TARBP1: variants seen among roughly 807,000 people sequenced by gnomAD.
TARBP1 encodes the protein tRNA (guanosine(18)-2'-O)-methyltransferase TARBP1.
TARBP1 carries 144 observed loss-of-function variants against 178.6 expected under a neutral mutation model. The ratio of observed to expected loss-of-function variants is 0.81; its 90% CI spans 0.70 to 0.93. The LOEUF is 0.93. Among genes scored for constraint, TARBP1 ranks in the 40% least tolerant of loss-of-function variants. The pLI is 0.00. For synonymous variants in TARBP1, 787 were observed against 781.0 expected, an observed-to-expected ratio of 1.01 and a Z score of -0.13; for missense variants, 2,067 against 2,011.7, an observed-to-expected ratio of 1.03 and a Z score of -0.53.
Position 234,419,000 on chromosome 1 carries a change from G to A in TARBP1, c.3556-767C>T, listed in dbSNP as rs373762792. 8.0e-4 allele frequency among the ~76,000 whole-genome samples: 122 copies of A among 152,006 alleles called. 2 individuals are homozygous for A. The South Asian group carries it at 0.023, about 29-fold the overall frequency. On this transcript the variant is annotated intron_variant, in intron 21 of 29. Coordinates refer to ENST00000040877, the MANE Select transcript of TARBP1 (RefSeq NM_005646.4). ...ATCCTGGCTAACACGGTGAAACCCC[G>A]TCTCTACTAAAAATACAAAAAATTA...
At chr1:234,425,222 A>T (rs2103111758) in intron 20 of TARBP1, among the ~76,000 whole-genome samples, 1 of 152,188 alleles carries the variant, frequency 6.6e-6, no homozygotes, top group South Asian at 2.1e-4. Flanking sequence ...ACAGAGCAAG[A>T]CTCTGTCTCA....
At chr1:234,422,656 A>G (rs995888536) in intron 20 of TARBP1, among the ~76,000 whole-genome samples, 4 of 152,206 alleles carry the variant, frequency 2.6e-5, no homozygotes, top group African/African-American at 9.7e-5. Context: ...CTTAGAATGA[A>G]TAAGATCTAG....
chr1:234,437,080 A>T (rs1295483791), intron 13 of TARBP1, among the ~76,000 whole-genome samples, 195 bp downstream of exon 13: 1 of 152,222 alleles, frequency 6.6e-6, no homozygotes, highest in Non-Finnish European at 1.5e-5. Context: ...AACTTGCCCA[A>T]GGTCACAGCT....
intron 25 of TARBP1, among the ~76,000 whole-genome samples, chr1:234,399,979 A>C (rs577135330): frequency 1.1e-4 from 16 of 152,152 alleles, no homozygotes; most frequent in African/African-American, 3.9e-4. Flanking sequence ...TGGCACATTT[A>C]TACATATGTA....
chr1:234,460,893 G>A (rs1259989112), intron 6 of TARBP1, among the ~76,000 whole-genome samples: 1 of 152,172 alleles, frequency 6.6e-6, no homozygotes, highest in Non-Finnish European at 1.5e-5. Flanking sequence ...CCATAACAAG[G>A]ATAAACCTTG....
chr1:234,458,718 A>T (rs1015607921), intron 8 of TARBP1, among the ~76,000 whole-genome samples: 3 of 152,198 alleles, frequency 2.0e-5, no homozygotes, highest in African/African-American at 7.2e-5. Context: ...ATACAGGGGA[A>T]GATGAGGGGA....
chr1:234,472,329 CAAAAAAAAAAAA>C (rs1160411119), intron 2 of TARBP1, among the ~76,000 whole-genome samples: 3 of 46,078 alleles, frequency 6.5e-5, no homozygotes, highest in Admixed American at 6.0e-4. Context: ...ACTCTGTCTC[CAAAAAAAAAAAA>C]AAAAAAAAAA....
At position 234,478,685 on chromosome 1, in the gene TARBP1, G is replaced by A; in HGVS notation, c.419C>T (p.Ala140Val). ...AGWRAPGAEA[A>V]VEVLAAVGPC... ...CCCGACGGCTGCTAGCACTTCCACGGCAGCCTCGGCGCCAGGCGCGCGCCA... is the reference window on the plus strand; with the variant it reads ...CCCGACGGCTGCTAGCACTTCCACGACAGCCTCGGCGCCAGGCGCGCGCCA... The change falls in exon 1 of 30, where the codon GCC becomes GTC. Residue 140 changes from alanine to valine, a missense_variant. Transcript: ENST00000040877. 2 of 1,225,690 alleles carry A rather than the reference G, an allele frequency of 1.6e-6. No individual in the cohort carries two copies. Among genetic ancestry groups the A allele is most frequent in the Admixed American group, 4.4e-5 (1 of 22,772 alleles). 75.9% of individuals were successfully genotyped at this position (1,225,690 alleles called of 1,614,324 possible).
At chr1:234,472,473 A>T (rs1669164996) in intron 2 of TARBP1, among the ~76,000 whole-genome samples, 1 of 152,148 alleles carries the variant, frequency 6.6e-6, no homozygotes, top group Non-Finnish European at 1.5e-5. Flanking sequence ...ATAAACGTTA[A>T]AGTTTTAGAA....
chr1:234,451,766 A>AAAAACAAAAAAAAACAAAAAAAC lies in TARBP1; in HGVS notation c.1723-1201_1723-1200insGTTTTTTTGTTTTTTTTTGTTTT, dbSNP rs57636903. Among the ~76,000 whole-genome samples, 5 of 17,176 alleles carry AAAAACAAAAAAAAACAAAAAAAC rather than the reference A, an allele frequency of 2.9e-4. 1 individual carries two copies. The highest frequency in any genetic ancestry group is 0.013 in the South Asian group (2 of 156). The allele number at this position is 17,176 out of a possible 152,430, so 11.3% of individuals were successfully genotyped here. A position where few individuals can be genotyped will look rare whatever the true frequency, so the allele number is the denominator to read the frequency against. ...TCCGTCTCAAAAAAAAAAAAAAAAA[A>AAAAACAAAAAAAAACAAAAAAAC]TGATGAATGACTGGATCATCGAAGT... On this transcript the variant is annotated intron_variant, in intron 9 of 29. Coordinates refer to ENST00000040877, the MANE Select transcript of TARBP1 (RefSeq NM_005646.4).
chr1:234,453,551 C>G (rs549240736), intron 9 of TARBP1, among the ~76,000 whole-genome samples: 5 of 151,892 alleles, frequency 3.3e-5, no homozygotes, highest in African/African-American at 9.7e-5. Flanking sequence ...AAAATAAAAT[C>G]TATTAATTAA....
intron 12 of TARBP1, among the ~76,000 whole-genome samples, chr1:234,446,441 C>G (rs1004869049): frequency 2.6e-5 from 4 of 152,044 alleles, no homozygotes; most frequent in African/African-American, 9.7e-5. Flanking sequence ...TAAACATATA[C>G]AAGACAGTGA....
Position 234,391,731 on chromosome 1 carries a change from C to T in TARBP1, c.4712G>A (p.Gly1571Glu). The T allele has an allele frequency of 6.2e-7, 1 of 1,612,858 alleles. No individual in the cohort carries two copies. The highest frequency in any genetic ancestry group is 8.5e-7 in the Non-Finnish European group (1 of 1,179,722). ...SLLLLGNEREGIPANLIQQLD... is the reference protein window; with the variant it reads ...SLLLLGNEREEIPANLIQQLD... The stretch of plus-strand genomic sequence containing the variant: ...CTGTTGGATCAGATTTGCTGGAATT[C>T]CCTCACGTTCATTTCTGAGGAAGAA... The change falls in exon 30 of 30, where the codon GGA becomes GAA. Residue 1571 changes from glycine to glutamate, a missense_variant. Physicochemically the swap from Gly to Glu is moderately conservative, Grantham distance 98 (BLOSUM62 -2). Transcript: ENST00000040877.
intron 26 of TARBP1, among the ~76,000 whole-genome samples, chr1:234,394,094 C>T (rs951812937): frequency 4.6e-5 from 7 of 152,086 alleles, no homozygotes; most frequent in African/African-American, 7.2e-5. Context: ...ATGAGATACA[C>T]GTTTTTTCAC....
intron 19 of TARBP1, among the ~76,000 whole-genome samples, chr1:234,426,935 G>C (rs1276351907): frequency 6.6e-6 from 1 of 152,120 alleles, no homozygotes; most frequent in East Asian, 1.9e-4. Context: ...ATACCAACTT[G>C]TTAAATGGTG....
chr1:234,450,310 T>A (rs1362001675), intron 10 of TARBP1, 118 bp downstream of exon 10: 1 of 696,896 alleles, frequency 1.4e-6, no homozygotes, highest in Admixed American at 3.8e-5. Context: ...AATACAAGTT[T>A]GGCATCAATA....
rs1341496647 is a variant in TARBP1 at position 234,478,911 on chromosome 1, C to A, written c.193G>T (p.Ala65Ser). 3 of 1,423,288 alleles carry A rather than the reference C, an allele frequency of 2.1e-6. No homozygotes were observed. The highest frequency in any genetic ancestry group is 1.4e-5 in the South Asian group (1 of 69,696). The allele number at this position is 1,423,288 out of a possible 1,614,324, so 88.2% of individuals were successfully genotyped here. ...GALPEAAREV[A>S]AGYLVPLLRS... is the part of the protein sequence containing the mutation. ...AGCAGTGGCACGAGGTACCCTGCAG[C>A]CACCTCGCGCGCCGCCTCCGGGAGC... Residue 65 changes from alanine (A) to serine (S), a missense_variant, in exon 1 of 30, where the codon GCT becomes TCT. Coordinates refer to ENST00000040877, the MANE Select transcript of TARBP1 (RefSeq NM_005646.4).
chr1:234,423,590 A>G lies in TARBP1; in HGVS notation c.3444+2083T>C, dbSNP rs558741987. 2.6e-5 allele frequency among the ~76,000 whole-genome samples: 4 copies of G among 152,230 alleles called. No homozygotes were observed. The East Asian group carries it at 7.7e-4, about 29-fold the overall frequency. ...CGAGGTGACCAAGACAGCTGAATCC[A>G]ACAGCCGGCCTGCAACCTCCTCGTC... On this transcript the variant is annotated intron_variant, in intron 20 of 29. Transcript: ENST00000040877.
intron 22 of TARBP1, among the ~76,000 whole-genome samples, chr1:234,417,719 C>A (rs894421729): frequency 8.5e-5 from 13 of 152,138 alleles, no homozygotes; most frequent in African/African-American, 2.9e-4. Flanking sequence ...TCTCCCAAAA[C>A]CTTTTTTTCA....
Sources: gnomAD v4.1 joint callset for allele counts (sites outside exome capture counted in the v4.1 genomes callset) on GRCh38, gnomAD v4.1.1 for gene constraint, MANE v1.5 for transcripts, NCBI Gene and HGNC (gene_info 2026-07-23, HGNC 2026-07-21) for gene names.